The following MAPK8IP2 variants were observed in gnomAD, a reference collection of about 807,000 sequenced individuals.
The protein encoded by MAPK8IP2 is C-Jun-amino-terminal kinase-interacting protein 2.
A neutral mutation model predicts 75.6 loss-of-function variants in MAPK8IP2; 15 were observed. The observed-to-expected ratio is 0.20, with a 90% CI of 0.13 to 0.31. The LOEUF (loss-of-function observed/expected upper bound fraction) is 0.31, where lower values mean the gene tolerates loss of function less well. Among genes scored for constraint, MAPK8IP2 ranks in the 10% least tolerant of loss-of-function variants. The probability of loss-of-function intolerance (pLI) is 1.00; values close to 1 mark genes in which losing one functional copy is unlikely to be tolerated. For synonymous variants in MAPK8IP2, 632 were observed against 554.5 expected, an observed-to-expected ratio of 1.14 and a Z score of -1.96; for missense variants, 1,089 against 1,211.2, an observed-to-expected ratio of 0.90 and a Z score of 1.50.
rs142807427 is a variant in MAPK8IP2 at position 50,607,431 on chromosome 22, C to T, written c.2303+440C>T. On this transcript the variant is annotated intron_variant, in intron 10 of 11. Coordinates refer to ENST00000329492, the MANE Select transcript of MAPK8IP2 (RefSeq NM_012324.6). The surrounding 1 kb of genome is among the most constrained non-coding windows in gnomAD (Gnocchi z 5.6). Reference sequence around the variant, plus strand: ...GTGTAAGGGGAGCAGCTAGAAATGCCGGGGAAGACCTGGACCCTTTTGATT... The same window carrying T: ...GTGTAAGGGGAGCAGCTAGAAATGCTGGGGAAGACCTGGACCCTTTTGATT... 5.9e-4 allele frequency among the ~76,000 whole-genome samples: 90 copies of T among 152,132 alleles called. No individual in the cohort carries two copies. Among genetic ancestry groups the T allele is most frequent in the African/African-American group, 1.9e-3 (77 of 41,468 alleles).
At chr22:50,602,319 T>C (rs1769282712) in intron 2 of MAPK8IP2, among the ~76,000 whole-genome samples, 1 of 152,248 alleles carries the variant, frequency 6.6e-6, no homozygotes, top group South Asian at 2.1e-4. Context: ...CGTCCATCTC[T>C]TGCTTCTCCT....
intron 5 of MAPK8IP2, 103 bp from the exon 6 acceptor site, chr22:50,605,265 G>A (rs986732239): frequency 6.2e-5 from 75 of 1,200,316 alleles, no homozygotes; most frequent in Middle Eastern, 1.9e-4. Flanking sequence ...CACCTACACC[G>A]GACTGTGGAG....
At chr22:50,603,139 C>G (rs777702499) in intron 2 of MAPK8IP2, 84 bp from the exon 3 acceptor site, 4 of 1,605,110 alleles carry the variant, frequency 2.5e-6, no homozygotes, top group Non-Finnish European at 3.4e-6. Flanking sequence ...ACTGATGCTC[C>G]CCGATTTCCC....
chr22:50,601,946 G>A lies in MAPK8IP2; in HGVS notation c.171+52G>A, dbSNP rs944699997. On this transcript the variant is annotated intron_variant, in intron 2 of 11. Coordinates refer to ENST00000329492, the MANE Select transcript of MAPK8IP2 (RefSeq NM_012324.6). ...CCAGCTCAAGGGAGGGCCTCATTAGGTTCTTCTTAGCGTTCACTTGGGGTT... is the reference window on the plus strand; with the variant it reads ...CCAGCTCAAGGGAGGGCCTCATTAGATTCTTCTTAGCGTTCACTTGGGGTT... 6.1e-6 allele frequency: 9 copies of A among 1,465,516 alleles called. No homozygotes were observed. In the East Asian group the frequency reaches 6.8e-5, roughly 11 times the overall value. The allele number at this position is 1,465,516 out of a possible 1,614,324, so 90.8% of individuals were successfully genotyped here.
In MAPK8IP2 at chr22:50,600,833, G is replaced by A; in HGVS notation, c.15G>A (p.Ala5=). 1 of 1,305,606 alleles carries A rather than the reference G, an allele frequency of 7.7e-7. No individual in the cohort carries two copies. The highest frequency in any genetic ancestry group is 2.5e-4 in the Middle Eastern group (1 of 4,004). The allele number at this position is 1,305,606 out of a possible 1,614,324, so 80.9% of individuals were successfully genotyped here. A position where few individuals can be genotyped will look rare whatever the true frequency, so the allele number is the denominator to read the frequency against. The change falls in exon 1 of 12, where the codon GCG becomes GCA. Residue 5 remains alanine (A), a synonymous_variant. Transcript: ENST00000329492. The part of the protein sequence containing the change: MADR[A]EMFSLSTFHS... ...TCCCGGAGAAGATGGCGGATCGCGC[G>A]GAGATGTTTTCTCTCTCCACCTTCC...
Position 50,604,338 on chromosome 22 carries a change from T to G in MAPK8IP2, c.1039T>G (p.Ser347Ala). The G allele has an allele frequency of 2.0e-6, 3 of 1,535,372 alleles. No individual in the cohort carries two copies. Among genetic ancestry groups the G allele is most frequent in the Non-Finnish European group, 2.6e-6 (3 of 1,146,678 alleles). Residue 347 changes from serine to alanine, a missense_variant, in exon 5 of 12, where the codon TCG (serine) becomes GCG (alanine). By Grantham distance (99) the Ser-to-Ala change is moderately conservative (BLOSUM62 1). This residue lies in a region of MAPK8IP2 where 960 missense variants were observed against 1,009.6 expected (regional missense o/e 0.95). Coordinates refer to ENST00000329492, the MANE Select transcript of MAPK8IP2 (RefSeq NM_012324.6). ...GCCGGACCTCAGCGAGGACGCGGAC[T>G]CGCCCTGGCTGCTCAGCAACCTGGT... is the stretch of plus-strand genomic sequence containing the variant. ...SEPDLSEDAD[S>A]PWLLSNLVSR...
chr22:50,603,857 C>T lies in MAPK8IP2; in HGVS notation c.558C>T (p.Leu186=). The part of the protein sequence containing the change: ...PEALRELPGP[L]PATDTGPGGA... ...GCCCAGCAGAGCTCCCGGGCCCCCT[C>T]CCTGCCACGGACACCGGGCCCGGCG... The change falls in exon 5 of 12, where the codon CTC becomes CTT. Residue 186 remains leucine (L), a synonymous_variant. Coordinates refer to ENST00000329492, the MANE Select transcript of MAPK8IP2 (RefSeq NM_012324.6). 1 of 1,532,092 alleles carries T rather than the reference C, an allele frequency of 6.5e-7. No homozygotes were observed. Among genetic ancestry groups the T allele is most frequent in the Non-Finnish European group, 8.8e-7 (1 of 1,140,858 alleles). The allele number at this position is 1,532,092 out of a possible 1,614,324, so 94.9% of individuals were successfully genotyped here.
rs1472727468 is a variant in MAPK8IP2 at position 50,604,817 on chromosome 22, C to T, written c.1518C>T (p.Tyr506=). The stretch of plus-strand genomic sequence containing the variant: ...CGCCGCGGGACGCGTCGCTGGTGTA[C>T]GACGCGGTCAAGTACACGCTGGTGG... The part of the protein sequence containing the change: ...PSAPRDASLV[Y]DAVKYTLVVD... The change falls in exon 5 of 12, where the codon TAC becomes TAT. Residue 506 remains tyrosine (Y), a synonymous_variant. Transcript: ENST00000329492. The T allele has an allele frequency of 1.3e-6, 2 of 1,560,364 alleles. No individual in the cohort carries two copies. Among genetic ancestry groups the T allele is most frequent in the Non-Finnish European group, 1.7e-6 (2 of 1,154,586 alleles).
chr22:50,609,644 C>T (rs2071112176), intron 10 of MAPK8IP2: 1 of 420,232 alleles, frequency 2.4e-6, no homozygotes, highest in Non-Finnish European at 4.8e-6. Flanking sequence ...CTGCCTGCCT[C>T]TCCCTCTGGA....
Position 50,603,705 on chromosome 22 carries a change from C to T in MAPK8IP2, c.527C>T (p.Pro176Leu), listed in dbSNP as rs760111333. The stretch of plus-strand genomic sequence containing the variant: ...GAGACAGCGCTATGCTCACCCGCCC[C>T]GGAGGCCCTCAGAGGTGAGGGGTGG... ...WQETALCSPAPEALRELPGPL... is the reference protein window; with the variant it reads ...WQETALCSPALEALRELPGPL... Residue 176 changes from proline (P) to leucine (L), a missense_variant, in exon 4 of 12, where the codon CCG becomes CTG. Around this residue, in one of 2 missense-constraint regions of MAPK8IP2, gnomAD observed 960 missense variants for 1,009.6 expected, o/e 0.95. Coordinates refer to ENST00000329492, the MANE Select transcript of MAPK8IP2 (RefSeq NM_012324.6). 86 of 1,573,396 alleles carry T rather than the reference C, an allele frequency of 5.5e-5. No homozygotes were observed. Among genetic ancestry groups the T allele is most frequent in the Admixed American group, 1.8e-4 (10 of 54,610 alleles).
intron 7 of MAPK8IP2, 39 bp from the exon 8 acceptor site, chr22:50,605,785 GC>G: frequency 6.3e-7 from 1 of 1,594,922 alleles, no homozygotes. Context: ...CCTCCCCTGT[GC>G]CCCTGCCTGA....
chr22:50,601,306 C>T (rs1198218002), intron 1 of MAPK8IP2: 2 of 157,132 alleles, frequency 1.3e-5, no homozygotes, highest in Non-Finnish European at 2.8e-5. Flanking sequence ...GAGTGGAAAT[C>T]AAGCCCGGAG....
Position 50,604,082 on chromosome 22 carries a change from C to A in MAPK8IP2, c.783C>A (p.Gly261=). 6.5e-7 allele frequency: 1 copy of A among 1,543,894 alleles called. No individual in the cohort carries two copies. The highest frequency in any genetic ancestry group is 8.7e-7 in the Non-Finnish European group (1 of 1,153,418). ...SPGSDSEDAG[G]ARLGRMISSI... is the part of the protein sequence containing the mutation. ...GCTCCGACTCGGAGGACGCGGGCGG[C>A]GCGCGCCTGGGGCGCATGATCTCGT... Residue 261 remains glycine, a synonymous_variant, in exon 5 of 12, where the codon GGC becomes GGA. Coordinates refer to ENST00000329492, the MANE Select transcript of MAPK8IP2 (RefSeq NM_012324.6).
chr22:50,610,395 C>A lies in MAPK8IP2; in HGVS notation c.2402+85C>A. The stretch of plus-strand genomic sequence containing the variant: ...GGAGGTGAGCAGGTGGGGGCAGGAG[C>A]CTGGCAGGGGAGGTCTGGGGAAGGA... On this transcript the variant is annotated intron_variant, in intron 11 of 11. Transcript: ENST00000329492. The surrounding 1 kb of genome is among the most constrained non-coding windows in gnomAD (Gnocchi z 4.3). 8.5e-7 allele frequency: 1 copy of A among 1,177,284 alleles called. No individual in the cohort carries two copies. The allele number at this position is 1,177,284 out of a possible 1,614,324, so 72.9% of individuals were successfully genotyped here. A position where few individuals can be genotyped will look rare whatever the true frequency, so the allele number is the denominator to read the frequency against.
At position 50,604,220 on chromosome 22, in the gene MAPK8IP2, G is replaced by A. The variant is rs764122121; in HGVS notation, c.921G>A (p.Pro307=). Reference sequence around the variant, plus strand: ...AGGCCTCGTCGCCCGCCTCGGAGCCGGAGCCCCCGCGCGAACCCCCGCGCC... The same window carrying A: ...AGGCCTCGTCGCCCGCCTCGGAGCCAGAGCCCCCGCGCGAACCCCCGCGCC... ...IEEASSPASE[P]EPPREPPRRP... The change falls in exon 5 of 12, where the codon CCG becomes CCA. Residue 307 remains proline (P), a synonymous_variant. Coordinates refer to ENST00000329492, the MANE Select transcript of MAPK8IP2 (RefSeq NM_012324.6). 36 of 1,553,298 alleles carry A rather than the reference G, an allele frequency of 2.3e-5. No homozygotes were observed. The highest frequency in any genetic ancestry group is 2.6e-5 in the Non-Finnish European group (30 of 1,157,558).
At position 50,603,989 on chromosome 22, in the gene MAPK8IP2, T is replaced by C. The variant is rs2070990029; in HGVS notation, c.690T>C (p.Ala230=). Residue 230 remains alanine, a synonymous_variant, in exon 5 of 12, where the codon GCT becomes GCC. Transcript: ENST00000329492. ...TSPSSDPGIE[A]DLRSRSSGGR... ...CCTCCTCAGATCCCGGCATCGAGGC[T>C]GACCTGAGAAGCCGCTCGAGCGGCG... The C allele has an allele frequency of 6.4e-7, 1 of 1,560,380 alleles. No individual in the cohort carries two copies. The highest frequency in any genetic ancestry group is 8.6e-7 in the Non-Finnish European group (1 of 1,160,034).
chr22:50,610,853 A>G lies in MAPK8IP2; in HGVS notation c.*74A>G. The G allele has an allele frequency of 7.4e-7, 1 of 1,354,264 alleles. No homozygotes were observed. The highest frequency in any genetic ancestry group is 1.4e-5 in the African/African-American group (1 of 69,212). 83.9% of individuals were successfully genotyped at this position (1,354,264 alleles called of 1,614,324 possible). On this transcript the variant is annotated 3_prime_UTR_variant, in exon 12 of 12. Coordinates refer to ENST00000329492, the MANE Select transcript of MAPK8IP2 (RefSeq NM_012324.6). This position sits in a 1 kb window ranked among gnomAD's most constrained non-coding sequence, Gnocchi z 4.3. ...GCTGAGGATGTCTCAAGAGGCCACC[A>G]TGGCTTTGGCAAGGACTGGATTGGG...
In MAPK8IP2 at chr22:50,611,510, G is replaced by C. The variant is rs2071150771; in HGVS notation, c.*731G>C. 6.6e-6 allele frequency: 1 copy of C among 152,352 alleles called. No homozygotes were observed. The highest frequency in any genetic ancestry group is 1.5e-5 in the Non-Finnish European group (1 of 68,156). 9.4% of individuals were successfully genotyped at this position (152,352 alleles called of 1,614,324 possible). A position where few individuals can be genotyped will look rare whatever the true frequency, so the allele number is the denominator to read the frequency against. ...CGCACGCCCCGTGCTGTGTTCCTGG[G>C]CCCTGCCCATGGCCTCAATAAACTC... is the stretch of plus-strand genomic sequence containing the variant. On this transcript the variant is annotated 3_prime_UTR_variant, in exon 12 of 12. Transcript: ENST00000329492. The surrounding 1 kb of genome is among the most constrained non-coding windows in gnomAD (Gnocchi z 5.5).
Position 50,606,613 on chromosome 22 carries a change from T to C in MAPK8IP2, c.2125-45T>C, listed in dbSNP as rs778081952. 2.2e-6 allele frequency: 3 copies of C among 1,384,072 alleles called. No homozygotes were observed. The South Asian group carries it at 3.7e-5, about 17-fold the overall frequency. The allele number at this position is 1,384,072 out of a possible 1,614,324, so 85.7% of individuals were successfully genotyped here. On this transcript the variant is annotated intron_variant, in intron 8 of 11. Coordinates refer to ENST00000329492, the MANE Select transcript of MAPK8IP2 (RefSeq NM_012324.6). The stretch of plus-strand genomic sequence containing the variant: ...TCCCACCAAGGGGAAAGAAAGGCCC[T>C]TGTGGGCTCCTCAAGACCCTCTTCT...
Sources: allele counts gnomAD v4.1 joint callset (sites outside exome capture counted in the v4.1 genomes callset), GRCh38; gene constraint gnomAD v4.1.1; regional missense constraint gnomAD v4.1.1; non-coding constraint Gnocchi (gnomAD v3.1); transcripts MANE v1.5; gene names NCBI Gene and HGNC (gene_info 2026-07-23, HGNC 2026-07-21).